Variants in ARHGAP17 observed in about 807,000 individuals in gnomAD.
ARHGAP17 encodes Rho GTPase activating protein 17, also known as rho GTPase-activating protein 17.
Under a neutral mutation model 99.5 loss-of-function variants are expected in ARHGAP17, and 57 were observed. The ratio of observed to expected loss-of-function variants is 0.57; its 90% CI spans 0.46 to 0.71. ARHGAP17 has a LOEUF of 0.71. Among genes scored for constraint, ARHGAP17 ranks in the 30% least tolerant of loss-of-function variants. The pLI is 0.00. For missense variants in ARHGAP17, 1,000 were observed against 1,122.4 expected, an observed-to-expected ratio of 0.89 and a Z score of 1.56; for synonymous variants, 417 against 429.6, an observed-to-expected ratio of 0.97 and a Z score of 0.36.
rs541998738 is a variant in ARHGAP17 at position 24,970,668 on chromosome 16, C to T, written c.199-88G>A. 6.3e-6 allele frequency: 8 copies of T among 1,270,648 alleles called. No individual in the cohort carries two copies. The African/African-American group carries it at 1.2e-4, about 19-fold the overall frequency. 78.7% of individuals were successfully genotyped at this position (1,270,648 alleles called of 1,614,324 possible). ...TTCAGATCATCATTCATTAATTTCT[C>T]CCTCCAGGCAAATTACACAGGTAGG... On this transcript the variant is annotated intron_variant, in intron 3 of 19. Coordinates refer to ENST00000289968, the MANE Select transcript of ARHGAP17 (RefSeq NM_001006634.3).
intron 9 of ARHGAP17, chr16:24,956,142 G>A (rs575468336): frequency 2.6e-4 from 39 of 152,342 alleles, no homozygotes; most frequent in African/African-American, 8.7e-4. Context: ...GGATGCCCTG[G>A]AATCACCCAG....
chr16:24,943,937 T>A, intron 14 of ARHGAP17, 75 bp from the exon 15 acceptor site: 1 of 1,284,520 alleles, frequency 7.8e-7, no homozygotes, highest in Non-Finnish European at 1.1e-6. Context: ...GTCAGGGCAA[T>A]TCAATTATTT....
intron 1 of ARHGAP17, among the ~76,000 whole-genome samples, chr16:24,993,548 C>G (rs1351443472): frequency 6.6e-6 from 1 of 150,568 alleles, no homozygotes; most frequent in African/African-American, 2.5e-5. Context: ...GAGATTGCAC[C>G]ACTGCACTCC....
chr16:24,995,197 C>T (rs2053159067), intron 1 of ARHGAP17, among the ~76,000 whole-genome samples: 1 of 152,314 alleles, frequency 6.6e-6, no homozygotes, highest in African/African-American at 2.4e-5. Flanking sequence ...ATTATGGGAA[C>T]TACAATTCAA....
intron 3 of ARHGAP17, among the ~76,000 whole-genome samples, chr16:24,971,977 G>A (rs1429579030): frequency 6.6e-6 from 1 of 152,172 alleles, no homozygotes; most frequent in Non-Finnish European, 1.5e-5. Context: ...AAGTGGGCTG[G>A]TTATAACGTC....
At chr16:24,986,637 C>T (rs895980247) in intron 1 of ARHGAP17, among the ~76,000 whole-genome samples, 51 of 152,264 alleles carry the variant, frequency 3.3e-4, no homozygotes, top group Admixed American at 3.1e-3. Context: ...TGAGTTGTTG[C>T]GAAAGACATC....
intron 9 of ARHGAP17, among the ~76,000 whole-genome samples, chr16:24,958,613 A>G (rs1454882668): frequency 6.6e-6 from 1 of 152,248 alleles, no homozygotes; most frequent in East Asian, 1.9e-4. Context: ...ATGGTCAGGC[A>G]AGACATAAAA....
At chr16:24,935,366 C>G in intron 18 of ARHGAP17, 104 bp downstream of exon 18, 1 of 1,306,590 alleles carries the variant, frequency 7.7e-7, no homozygotes, top group Non-Finnish European at 1.0e-6. Context: ...TTACAACAGA[C>G]ATAGAAAAGA....
At chr16:24,969,721 C>T (rs538196263) in intron 4 of ARHGAP17, among the ~76,000 whole-genome samples, 1 of 152,204 alleles carries the variant, frequency 6.6e-6, no homozygotes, top group Non-Finnish European at 1.5e-5. Flanking sequence ...AACTTCCAGG[C>T]TGGAGGGAAG....
intron 19 of ARHGAP17, among the ~76,000 whole-genome samples, chr16:24,925,144 A>G (rs2050808092): frequency 6.6e-6 from 1 of 152,038 alleles, no homozygotes; most frequent in African/African-American, 2.4e-5. Flanking sequence ...TTTGGGAGGC[A>G]GAAGTGAGTG....
At chr16:24,978,868 A>T (rs987094932) in intron 2 of ARHGAP17, 98 bp downstream of exon 2, 30 of 108,382 alleles carry the variant, frequency 2.8e-4, no homozygotes, top group African/African-American at 2.1e-3. Context: ...TTTCTGGTTA[A>T]AAAAAAAAAA....
intron 12 of ARHGAP17, among the ~76,000 whole-genome samples, chr16:24,950,836 C>CAAACAAAA (rs1386246671): frequency 2.5e-5 from 1 of 39,444 alleles, no homozygotes; most frequent in African/African-American, 1.0e-4. Flanking sequence ...GACTCCAACT[C>CAAACAAAA]AAAAAAAAAA....
At chr16:24,982,990 ATATATATTTTTTTTTTTT>A (rs1243205960) in intron 1 of ARHGAP17, among the ~76,000 whole-genome samples, 1 of 32,470 alleles carries the variant, frequency 3.1e-5, no homozygotes, top group African/African-American at 1.3e-4. Flanking sequence ...ATATATATAT[ATATATATTTTTTTTTTTT>A]TTTTTTTTTT....
At position 24,931,117 on chromosome 16, in the gene ARHGAP17, T is replaced by C; in HGVS notation, c.2182A>G (p.Thr728Ala). The C allele has an allele frequency of 6.2e-7, 1 of 1,606,846 alleles. No individual in the cohort carries two copies. The highest frequency in any genetic ancestry group is 8.5e-7 in the Non-Finnish European group (1 of 1,176,836). ...GGAGGGCCCTGGCTATTGGGTTTGG[T>C]GTGCATCAGTGGCGTGGCCTGCGTA... ...PPTQATPLMHTKPNSQGPPNP... is the reference protein window; with the variant it reads ...PPTQATPLMHAKPNSQGPPNP... The change falls in exon 19 of 20, where the codon ACC becomes GCC. Residue 728 changes from threonine to alanine, a missense_variant. Thr to Ala is a moderately conservative substitution (Grantham distance 58). Around this residue, in one of 2 missense-constraint regions of ARHGAP17, gnomAD observed 528 missense variants for 511.4 expected, o/e 1.03. Transcript: ENST00000289968.
At chr16:24,944,896 G>A (rs556437068) in intron 14 of ARHGAP17, among the ~76,000 whole-genome samples, 63 of 151,920 alleles carry the variant, frequency 4.1e-4, no homozygotes, top group African/African-American at 1.4e-3. Flanking sequence ...GATTACAGGC[G>A]TGAGCCACCG....
At chr16:24,958,304 C>T (rs1461538151) in intron 9 of ARHGAP17, among the ~76,000 whole-genome samples, 1 of 152,238 alleles carries the variant, frequency 6.6e-6, no homozygotes, top group African/African-American at 2.4e-5. Context: ...TTAATCAACT[C>T]TTTCAAATCA....
intron 1 of ARHGAP17, among the ~76,000 whole-genome samples, chr16:25,000,301 T>C (rs781630066): frequency 3.3e-5 from 5 of 152,150 alleles, no homozygotes; most frequent in Non-Finnish European, 5.9e-5. Context: ...AAGGCTCCCA[T>C]CTAGAAAAAG....
At chr16:24,983,700 T>C (rs1312518210) in intron 1 of ARHGAP17, among the ~76,000 whole-genome samples, 5 of 152,214 alleles carry the variant, frequency 3.3e-5, no homozygotes, top group Non-Finnish European at 5.9e-5. Context: ...GTTCTGGGCT[T>C]GAAAACACAC....
chr16:24,930,611 T>C (rs758438911), intron 19 of ARHGAP17, 173 bp downstream of exon 19: 109 of 1,083,152 alleles, frequency 1.0e-4, no homozygotes, highest in Non-Finnish European at 1.5e-4. Context: ...CAAATGGGTG[T>C]AGCTGTGTTC....
Sources: gnomAD v4.1 joint callset for allele counts (sites outside exome capture counted in the v4.1 genomes callset) on GRCh38, gnomAD v4.1.1 for gene constraint, gnomAD v4.1.1 regional missense constraint, MANE v1.5 for transcripts, NCBI Gene and HGNC (gene_info 2026-07-23, HGNC 2026-07-21) for gene names.